Variants in KIAA0232 observed in about 807,000 individuals in gnomAD.
KIAA0232 encodes the protein KIAA0232.
Under a neutral mutation model 122.0 loss-of-function variants are expected in KIAA0232, and 27 were observed. The observed-to-expected ratio is 0.22, with a 90% CI of 0.16 to 0.31. KIAA0232 has a LOEUF of 0.31. Among genes scored for constraint, KIAA0232 ranks in the 10% least tolerant of loss-of-function variants. KIAA0232 has a pLI of 1.00. For missense variants in KIAA0232, 1,551 were observed against 1,634.2 expected, an observed-to-expected ratio of 0.95 and a Z score of 0.88; for synonymous variants, 613 against 587.6, an observed-to-expected ratio of 1.04 and a Z score of -0.63.
Position 6,863,433 on chromosome 4 carries a change from C to T in KIAA0232, c.3051C>T (p.Phe1017=), listed in dbSNP as rs1404638924. The part of the protein sequence containing the change: ...NGLNKGFSFI[F]HEDLLGACGN... ...TAAATAAGGGATTTTCTTTTATCTTCCATGAAGACTTACTAGGAGCTTGTG... is the reference window on the plus strand; with the variant it reads ...TAAATAAGGGATTTTCTTTTATCTTTCATGAAGACTTACTAGGAGCTTGTG... Residue 1017 remains phenylalanine (F), a synonymous_variant, in exon 7 of 10, where the codon TTC becomes TTT. Transcript: ENST00000307659. 4 of 1,613,954 alleles carry T rather than the reference C, an allele frequency of 2.5e-6. No homozygotes were observed. The highest frequency in any genetic ancestry group is 2.2e-5 in the East Asian group (1 of 44,890).
chr4:6,863,803 G>C lies in KIAA0232; in HGVS notation c.3421G>C (p.Val1141Leu). The change falls in exon 7 of 10, where the codon GTT becomes CTT. Residue 1141 changes from valine to leucine, a missense_variant. Val to Leu is a conservative substitution (Grantham distance 32, BLOSUM62 1). Transcript: ENST00000307659. Reference sequence around the variant, plus strand: ...AGCAAATATTCCCATTCCTTCTCAAGTTGATATATTTGAAGATCCGCAGGC... The same window carrying C: ...AGCAAATATTCCCATTCCTTCTCAACTTGATATATTTGAAGATCCGCAGGC... ...DEANIPIPSQVDIFEDPQADL... is the reference protein window; with the variant it reads ...DEANIPIPSQLDIFEDPQADL... The C allele has an allele frequency of 6.2e-7, 1 of 1,614,182 alleles. No homozygotes were observed. Among genetic ancestry groups the C allele is most frequent in the Non-Finnish European group, 8.5e-7 (1 of 1,180,034 alleles).
Position 6,876,826 on chromosome 4 carries a change from C to CA in KIAA0232, c.4008+74dup, listed in dbSNP as rs1721781596. ...CACCACCTCCAGTTGTCACTGTAGT[C>CA]AAAAACCTGGGAGTCATGTGAGTGG... On this transcript the variant is annotated intron_variant, in intron 9 of 9. Transcript: ENST00000307659. 2.6e-6 allele frequency: 3 copies of CA among 1,139,760 alleles called. No homozygotes were observed. The African/African-American group carries it at 4.6e-5, about 17-fold the overall frequency. The allele number at this position is 1,139,760 out of a possible 1,614,324, so 70.6% of individuals were successfully genotyped here. A position where few individuals can be genotyped will look rare whatever the true frequency, so the allele number is the denominator to read the frequency against.
chr4:6,827,203 G>A (rs1454363130), intron 3 of KIAA0232, among the ~76,000 whole-genome samples: 3 of 152,228 alleles, frequency 2.0e-5, no homozygotes, highest in African/African-American at 7.2e-5. Context: ...GACATGACTT[G>A]AGAATCCTTT....
intron 1 of KIAA0232, among the ~76,000 whole-genome samples, chr4:6,800,043 CTTTTTTTTTTTTTTTTTTT>C (rs752428517): frequency 0.034 from 2,024 of 60,204 alleles, 110 homozygotes; most frequent in African/African-American, 0.11. Flanking sequence ...TTCTTTCTTT[CTTTTTTTTTTTTTTTTTTT>C]TTTTTTTTTT....
rs1242815966 is a variant in KIAA0232 at position 6,861,195 on chromosome 4, C to T, written c.813C>T (p.Tyr271=). 6 of 1,614,006 alleles carry T rather than the reference C, an allele frequency of 3.7e-6. No individual in the cohort carries two copies. In the East Asian group the frequency reaches 1.1e-4, roughly 30 times the overall value. The part of the protein sequence containing the change: ...NGTIEEKPAL[Y]KKQIRHKPEG... ...CAATTGAAGAAAAGCCTGCTTTGTA[C>T]AAAAAGCAAATCCGACATAAACCTG... The change falls in exon 7 of 10, where the codon TAC becomes TAT. Residue 271 remains tyrosine, a synonymous_variant. Coordinates refer to ENST00000307659, the MANE Select transcript of KIAA0232 (RefSeq NM_014743.3).
At chr4:6,851,133 TACTTAA>T (rs1720260131) in intron 4 of KIAA0232, among the ~76,000 whole-genome samples, 1 of 152,256 alleles carries the variant, frequency 6.6e-6, no homozygotes, top group Admixed American at 6.5e-5. Context: ...CAGAATGTTA[TACTTAA>T]ACTTTTCTTA....
chr4:6,790,835 A>G (rs1383735366), intron 1 of KIAA0232, among the ~76,000 whole-genome samples: 1 of 151,478 alleles, frequency 6.6e-6, no homozygotes, highest in Non-Finnish European at 1.5e-5. Context: ...GTTAGTTACC[A>G]TCATAGATAA....
At chr4:6,849,649 C>T (rs932844030) in intron 4 of KIAA0232, among the ~76,000 whole-genome samples, 2 of 151,986 alleles carry the variant, frequency 1.3e-5, no homozygotes, top group African/African-American at 4.8e-5. Context: ...TGTGGTGGTG[C>T]ATGCCTGTAG....
At chr4:6,865,632 T>G (rs935462597) in intron 7 of KIAA0232, among the ~76,000 whole-genome samples, 1 of 152,186 alleles carries the variant, frequency 6.6e-6, no homozygotes, top group Non-Finnish European at 1.5e-5. Flanking sequence ...TGGAGGTGTT[T>G]AGAAGCCATG....
rs148461654 is a variant in KIAA0232 at position 6,848,943 on chromosome 4, T to G, written c.369+6739T>G. Among the ~76,000 whole-genome samples, 700 of 152,270 alleles carry G rather than the reference T, an allele frequency of 4.6e-3. 6 individuals carry two copies. Among genetic ancestry groups the G allele is most frequent in the African/African-American group, 0.016 (677 of 41,560 alleles). On this transcript the variant is annotated intron_variant, in intron 4 of 9. Transcript: ENST00000307659. ...TGAGGAAGCCTAAGTCCTATGTCTT[T>G]GGGTATATAGATGGCAGTGGAGCTG...
chr4:6,843,852 C>T (rs1422174567), intron 4 of KIAA0232, among the ~76,000 whole-genome samples: 2 of 150,208 alleles, frequency 1.3e-5, no homozygotes, highest in South Asian at 2.1e-4. Flanking sequence ...CCTCAAATAA[C>T]ATGGCCTTCA....
chr4:6,794,041 G>C (rs997788160), intron 1 of KIAA0232, among the ~76,000 whole-genome samples: 10 of 152,230 alleles, frequency 6.6e-5, no homozygotes, highest in African/African-American at 2.4e-4. Context: ...TGCCAGGATG[G>C]ATTAGACATC....
chr4:6,872,007 A>G (rs1250368518), intron 8 of KIAA0232, among the ~76,000 whole-genome samples: 2 of 152,174 alleles, frequency 1.3e-5, no homozygotes, highest in Admixed American at 1.3e-4. Flanking sequence ...CAGAGGCAGG[A>G]GGGTCGCCGC....
intron 2 of KIAA0232, among the ~76,000 whole-genome samples, chr4:6,823,918 T>A (rs1490350244): frequency 1.3e-5 from 2 of 152,166 alleles, no homozygotes; most frequent in Non-Finnish European, 2.9e-5. Context: ...GGTACAGTCA[T>A]GGTGCAGGAC....
At chr4:6,837,352 G>A (rs1301620508) in intron 3 of KIAA0232, among the ~76,000 whole-genome samples, 2 of 151,882 alleles carry the variant, frequency 1.3e-5, no homozygotes, top group African/African-American at 4.8e-5. Context: ...CATCCCAGAC[G>A]ATGGGCGGCC....
At chr4:6,816,380 T>A (rs1718127883) in intron 2 of KIAA0232, among the ~76,000 whole-genome samples, 1 of 151,998 alleles carries the variant, frequency 6.6e-6, no homozygotes, top group Non-Finnish European at 1.5e-5. Flanking sequence ...CCTCCCGGGT[T>A]CACGCCATTC....
At chr4:6,853,284 C>T (rs1259147266) in intron 4 of KIAA0232, among the ~76,000 whole-genome samples, 7 of 152,022 alleles carry the variant, frequency 4.6e-5, no homozygotes, top group African/African-American at 7.2e-5. Context: ...ACTCAATAGA[C>T]GGTTTGGAAG....
At chr4:6,825,399 A>T (rs1316847105) in intron 3 of KIAA0232, among the ~76,000 whole-genome samples, 1 of 152,092 alleles carries the variant, frequency 6.6e-6, no homozygotes, top group Non-Finnish European at 1.5e-5. Context: ...AGTATTAAAA[A>T]ATTAGCCAGG....
chr4:6,867,088 T>G (rs1721225178), intron 7 of KIAA0232, among the ~76,000 whole-genome samples: 1 of 152,242 alleles, frequency 6.6e-6, no homozygotes, highest in African/African-American at 2.4e-5. Context: ...TGGTACTTTA[T>G]TGTAATCACC....
Sources: gnomAD v4.1 joint callset for allele counts (sites outside exome capture counted in the v4.1 genomes callset) on GRCh38, gnomAD v4.1.1 for gene constraint, MANE v1.5 for transcripts, NCBI Gene and HGNC (gene_info 2026-07-23, HGNC 2026-07-21) for gene names.